Variants in PPME1 observed in about 807,000 individuals in gnomAD.
PPME1 encodes testicular secretory protein Li 39.
A neutral mutation model predicts 56.9 loss-of-function variants in PPME1; 17 were observed. The ratio of observed to expected loss-of-function variants is 0.30; its 90% CI spans 0.20 to 0.45. The LOEUF is 0.45. Ranked by LOEUF, PPME1 falls within the 20% of genes least tolerant of loss-of-function variation. The probability of loss-of-function intolerance (pLI) is 1.00; values close to 1 mark genes in which losing one functional copy is unlikely to be tolerated. For synonymous variants in PPME1, 122 were observed against 156.2 expected (o/e 0.78, Z 1.63); for missense variants, 357 against 483.2 (o/e 0.74, Z 2.45).
chr11:74,237,576 A>G (rs1020877257), intron 8 of PPME1, among the ~76,000 whole-genome samples: 3 of 151,690 alleles, frequency 2.0e-5, no homozygotes, highest in Non-Finnish European at 4.4e-5. Flanking sequence ...TGCCCAGCCA[A>G]TTGTCTCTTT....
rs542886663 is a variant in PPME1, at chr11:74,240,719, G to A, written c.834+1463G>A. Among the ~76,000 whole-genome samples the A allele has an allele frequency of 2.0e-3, 306 of 152,344 alleles. 1 individual carries two copies. Among genetic ancestry groups the A allele is most frequent in the Non-Finnish European group, 3.8e-3 (261 of 68,034 alleles). ...CTGTTTGGTCCTCTGAACACCTTATGAGGTGTGGAGAGATCTTTTCTCCCA... is the reference window on the plus strand; with the variant it reads ...CTGTTTGGTCCTCTGAACACCTTATAAGGTGTGGAGAGATCTTTTCTCCCA... On this transcript the variant is annotated intron_variant, in intron 9 of 13. Coordinates refer to ENST00000328257, the MANE Select transcript of PPME1 (RefSeq NM_016147.3).
At chr11:74,233,579 G>A (rs1159972753) in intron 7 of PPME1, among the ~76,000 whole-genome samples, 1 of 152,112 alleles carries the variant, frequency 6.6e-6, no homozygotes, top group Admixed American at 6.5e-5. Flanking sequence ...TTGGGAGGCT[G>A]AGATAGGAAT....
intron 9 of PPME1, chr11:74,243,655 A>G (rs1368571848): frequency 2.0e-5 from 3 of 152,146 alleles, no homozygotes; most frequent in Non-Finnish European, 4.4e-5. Context: ...CCTTTTACTG[A>G]TGGAAGACCA....
At chr11:74,239,940 C>T (rs1039556850) in intron 9 of PPME1, among the ~76,000 whole-genome samples, 1 of 150,376 alleles carries the variant, frequency 6.6e-6, no homozygotes, top group Admixed American at 6.6e-5. Flanking sequence ...CTTGAGGAAG[C>T]TCTTTAATTT....
chr11:74,181,053 T>G (rs1202953197), intron 1 of PPME1, among the ~76,000 whole-genome samples: 1 of 147,836 alleles, frequency 6.8e-6, no homozygotes, highest in Non-Finnish European at 1.5e-5. Context: ...TTTTTTTTTT[T>G]TTGAGACGGA....
At chr11:74,209,477 A>G (rs187289772) in intron 3 of PPME1, among the ~76,000 whole-genome samples, 15 of 152,194 alleles carry the variant, frequency 9.9e-5, no homozygotes, top group African/African-American at 3.4e-4. Context: ...TGTCAAAATT[A>G]GGGAGTATGG....
At chr11:74,196,613 G>C (rs1436344452) in intron 1 of PPME1, among the ~76,000 whole-genome samples, 1 of 151,392 alleles carries the variant, frequency 6.6e-6, no homozygotes, top group African/African-American at 2.4e-5. Flanking sequence ...TTCAGGGCGA[G>C]TCCACAGTGC....
At chr11:74,252,229 G>A (rs538931215) in intron 13 of PPME1, among the ~76,000 whole-genome samples, 3 of 149,674 alleles carry the variant, frequency 2.0e-5, no homozygotes, top group Admixed American at 6.6e-5. Flanking sequence ...CACCGTACCC[G>A]GCTAATTTTG....
intron 1 of PPME1, among the ~76,000 whole-genome samples, chr11:74,180,518 G>T (rs887594100): frequency 6.6e-6 from 1 of 152,154 alleles, no homozygotes; most frequent in Non-Finnish European, 1.5e-5. Flanking sequence ...TAGAATAATA[G>T]AATCTCTATT....
intron 1 of PPME1, among the ~76,000 whole-genome samples, chr11:74,174,554 C>A (rs1233602230): frequency 6.6e-6 from 1 of 152,160 alleles, no homozygotes; most frequent in Admixed American, 6.5e-5. Context: ...TTACTCTTAA[C>A]TATTTTTCAT....
intron 1 of PPME1, among the ~76,000 whole-genome samples, chr11:74,180,210 A>C (rs1363966780): frequency 2.0e-5 from 3 of 152,134 alleles, no homozygotes. Flanking sequence ...ATTATCTCCT[A>C]GTAGGCATAT....
chr11:74,182,229 C>T (rs1205416440), intron 1 of PPME1, among the ~76,000 whole-genome samples: 1 of 152,000 alleles, frequency 6.6e-6, no homozygotes, highest in Admixed American at 6.5e-5. Flanking sequence ...ATGCTAGCCT[C>T]ATAGAATTTT....
chr11:74,194,871 A>G (rs1196702986), intron 1 of PPME1, among the ~76,000 whole-genome samples: 1 of 152,204 alleles, frequency 6.6e-6, no homozygotes, highest in African/African-American at 2.4e-5. Context: ...AAAATATGGG[A>G]TATGGGATAA....
intron 1 of PPME1, among the ~76,000 whole-genome samples, chr11:74,187,374 A>G (rs891263929): frequency 3.3e-5 from 5 of 152,286 alleles, no homozygotes; most frequent in Admixed American, 2.0e-4. Flanking sequence ...TAATCCATGA[A>G]CACTGGATGT....
rs371089588 is a variant in PPME1, at chr11:74,230,713, G to A, written c.554-199G>A. The A allele has an allele frequency of 2.0e-5, 12 of 607,166 alleles. No homozygotes were observed. In the African/African-American group the frequency reaches 2.2e-4, roughly 11 times the overall value. The allele number at this position is 607,166 out of a possible 1,614,324, so 37.6% of individuals were successfully genotyped here. Reference sequence around the variant, plus strand: ...GTCACACTGCTGCTTGTGAATACAAGTCATCCTCTTCAGTGTGAGGGCATG... The same window carrying A: ...GTCACACTGCTGCTTGTGAATACAAATCATCCTCTTCAGTGTGAGGGCATG... On this transcript the variant is annotated intron_variant, in intron 6 of 13. Coordinates refer to ENST00000328257, the MANE Select transcript of PPME1 (RefSeq NM_016147.3). This position sits in a 1 kb window ranked among gnomAD's most constrained non-coding sequence, Gnocchi z 4.9.
chr11:74,222,747 C>T, intron 4 of PPME1: 4 of 238,732 alleles, frequency 1.7e-5, no homozygotes, highest in Non-Finnish European at 2.5e-5. Flanking sequence ...CCTCAGCCTC[C>T]CAGAGTGCTA....
At chr11:74,252,468 T>C (rs2135687769) in intron 13 of PPME1, 1 of 456,246 alleles carries the variant, frequency 2.2e-6, no homozygotes, top group South Asian at 1.6e-5. Flanking sequence ...GGGAATGGAA[T>C]GGGTGCCTCT....
At chr11:74,226,835 A>G (rs1407417009) in intron 5 of PPME1, among the ~76,000 whole-genome samples, 4 of 152,196 alleles carry the variant, frequency 2.6e-5, no homozygotes, top group Admixed American at 2.6e-4. Context: ...AGGGGATTGG[A>G]ATGAGCGATT....
At chr11:74,200,821 C>T (rs934677250) in intron 1 of PPME1, among the ~76,000 whole-genome samples, 2 of 151,824 alleles carry the variant, frequency 1.3e-5, no homozygotes, top group Admixed American at 1.3e-4. Flanking sequence ...GTTGGGTAGT[C>T]CCTGGAACCT....
Sources: gnomAD v4.1 joint callset for allele counts (sites outside exome capture counted in the v4.1 genomes callset) on GRCh38, gnomAD v4.1.1 for gene constraint, Gnocchi (gnomAD v3.1) non-coding constraint, MANE v1.5 for transcripts, NCBI Gene and HGNC (gene_info 2026-07-23, HGNC 2026-07-21) for gene names.